The following ROCK2 variants were observed in gnomAD, a reference collection of about 807,000 sequenced individuals.
ROCK2 encodes rho-associated protein kinase 2.
In ROCK2, 61 loss-of-function variants were observed where a neutral mutation model predicts 195.1. That is an observed-to-expected ratio of 0.31 (90% CI 0.25 to 0.39). ROCK2 has a LOEUF of 0.39. ROCK2 is among the 10% of genes least tolerant of loss of function. ROCK2 has a pLI of 1.00. For missense variants in ROCK2, 1,109 were observed against 1,637.4 expected, an observed-to-expected ratio of 0.68 and a Z score of 5.57; for synonymous variants, 504 against 545.5, an observed-to-expected ratio of 0.92 and a Z score of 1.06.
chr2:11,185,001 G>A (rs1254063638), intron 32 of ROCK2, among the ~76,000 whole-genome samples: 2 of 152,222 alleles, frequency 1.3e-5, no homozygotes, highest in South Asian at 2.1e-4. Context: ...TGAAGACAGC[G>A]ATCATATTTG....
chr2:11,338,971 T>A (rs927807285), intron 1 of ROCK2, among the ~76,000 whole-genome samples: 1 of 151,812 alleles, frequency 6.6e-6, no homozygotes, highest in African/African-American at 2.4e-5. Context: ...GTGTGTGAAA[T>A]TAGCTGAAAA....
intron 1 of ROCK2, among the ~76,000 whole-genome samples, chr2:11,336,433 G>A (rs1668930084): frequency 6.6e-6 from 1 of 151,982 alleles, no homozygotes; most frequent in Admixed American, 6.6e-5. Context: ...TATTTCTGTA[G>A]AGGCGACAAA....
chr2:11,182,642 T>G lies in ROCK2; in HGVS notation c.*795A>C, dbSNP rs1460202636. Reference sequence around the variant, plus strand: ...TACATCCTAAGAGCTGGTAAACGCTTTTTTTGTTTTTTAATACAGACAGGG... The same window carrying G: ...TACATCCTAAGAGCTGGTAAACGCTGTTTTTGTTTTTTAATACAGACAGGG... On this transcript the variant is annotated 3_prime_UTR_variant, in exon 33 of 33. Transcript: ENST00000315872. The G allele has an allele frequency of 6.6e-6, 1 of 152,586 alleles. No homozygotes were observed. Among genetic ancestry groups the G allele is most frequent in the African/African-American group, 2.4e-5 (1 of 41,442 alleles). The allele number at this position is 152,586 out of a possible 1,614,324, so 9.5% of individuals were successfully genotyped here.
At chr2:11,206,952 T>C (rs1305482485) in intron 20 of ROCK2, among the ~76,000 whole-genome samples, 1 of 152,242 alleles carries the variant, frequency 6.6e-6, no homozygotes, top group Admixed American at 6.5e-5. Context: ...CAAAGACTTT[T>C]TTCTTTCCAC....
chr2:11,217,205 G>T, intron 11 of ROCK2, 36 bp from the exon 12 acceptor site: 1 of 1,074,726 alleles, frequency 9.3e-7, no homozygotes. Flanking sequence ...TACGTATTTT[G>T]GTCATATTTA....
rs769771519 is a variant in ROCK2, at chr2:11,227,442, AACAC to A, written c.724-48_724-45del. ...TAAAGAAAAAACAGTTCAGTGTAAA[AACAC>A]ACACTTATAAATGCAATGAATCCAT... On this transcript the variant is annotated intron_variant, in intron 5 of 32. Transcript: ENST00000315872. 1.9e-6 allele frequency: 3 copies of A among 1,558,286 alleles called. No homozygotes were observed. In the Admixed American group the frequency reaches 5.5e-5, roughly 29 times the overall value.
chr2:11,344,670 C>A, upstream of ROCK2: 1 of 158,194 alleles, frequency 6.3e-6, no homozygotes, highest in South Asian at 1.9e-4. This position sits in a 1 kb window ranked among gnomAD's most constrained non-coding sequence, Gnocchi z 5.4. Flanking sequence ...ACAAGCCCCT[C>A]CGCCCGCAGC....
At chr2:11,189,660 A>AT (rs1558274806) in intron 32 of ROCK2, among the ~76,000 whole-genome samples, 1 of 152,158 alleles carries the variant, frequency 6.6e-6, no homozygotes, top group African/African-American at 2.4e-5. Flanking sequence ...TTCAATTTGT[A>AT]TAAGTGACTC....
intron 1 of ROCK2, among the ~76,000 whole-genome samples, chr2:11,320,426 C>A (rs1233283335): frequency 1.3e-5 from 2 of 152,158 alleles, no homozygotes; most frequent in Non-Finnish European, 2.9e-5. Context: ...CACCTAAATA[C>A]TTTAACACTT....
chr2:11,277,127 A>G (rs746323795), intron 3 of ROCK2, among the ~76,000 whole-genome samples: 6 of 152,220 alleles, frequency 3.9e-5, no homozygotes, highest in Non-Finnish European at 8.8e-5. Flanking sequence ...TACAACTGAT[A>G]AAGCAATATT....
intron 5 of ROCK2, among the ~76,000 whole-genome samples, chr2:11,232,047 A>G (rs542247401): frequency 3.9e-5 from 6 of 152,284 alleles, no homozygotes; most frequent in African/African-American, 9.6e-5. Context: ...TAAAAATGTA[A>G]AAGTTATTTC....
chr2:11,250,860 AGTC>A (rs1665806928), intron 3 of ROCK2, among the ~76,000 whole-genome samples: 1 of 152,170 alleles, frequency 6.6e-6, no homozygotes, highest in African/African-American at 2.4e-5. Flanking sequence ...TCCACAGCCT[AGTC>A]ATCCTTCTAG....
At chr2:11,255,127 G>A (rs940032210) in intron 3 of ROCK2, among the ~76,000 whole-genome samples, 1 of 149,056 alleles carries the variant, frequency 6.7e-6, no homozygotes, top group African/African-American at 2.6e-5. Context: ...TGAGGCAGGA[G>A]AATGGCATGA....
intron 1 of ROCK2, among the ~76,000 whole-genome samples, chr2:11,296,837 A>C (rs1300688779): frequency 6.6e-6 from 1 of 151,756 alleles, no homozygotes; most frequent in Non-Finnish European, 1.5e-5. Context: ...AAAGACTGTG[A>C]TGCCAAATGA....
Position 11,221,216 on chromosome 2 carries a change from G to T in ROCK2, c.1241C>A (p.Thr414Asn). The change falls in exon 9 of 33, where the codon ACC becomes AAC. Residue 414 changes from threonine (T) to asparagine (N), a missense_variant. By Grantham distance (65) the Thr-to-Asn change is moderately conservative. This residue lies in a region of ROCK2 where 253 missense variants were observed against 455.5 expected (regional missense o/e 0.56). Transcript: ENST00000315872. Reference sequence around the variant, plus strand: ...CACATACAAATTTTCTCTATAGTAGGTAAATCCGATGAAAGGCAGCTGATT... The same window carrying T: ...CACATACAAATTTTCTCTATAGTAGTTAAATCCGATGAAAGGCAGCTGATT... ...VGNQLPFIGFTYYRENLLLSD... is the reference protein window; with the variant it reads ...VGNQLPFIGFNYYRENLLLSD... The T allele has an allele frequency of 6.3e-7, 1 of 1,576,554 alleles. No homozygotes were observed. The highest frequency in any genetic ancestry group is 8.6e-7 in the Non-Finnish European group (1 of 1,166,138).
At chr2:11,227,953 T>C (rs1017166388) in intron 5 of ROCK2, among the ~76,000 whole-genome samples, 9 of 152,238 alleles carry the variant, frequency 5.9e-5, no homozygotes, top group East Asian at 1.9e-4. Context: ...TTCCAAGCTA[T>C]ATATTTAGAA....
intron 1 of ROCK2, among the ~76,000 whole-genome samples, chr2:11,307,702 T>C (rs761453216): frequency 6.6e-6 from 1 of 152,204 alleles, no homozygotes; most frequent in Admixed American, 6.5e-5. Context: ...AAAAAGACTG[T>C]ATATAGTCAG....
intron 1 of ROCK2, among the ~76,000 whole-genome samples, chr2:11,318,865 C>T (rs1480065025): frequency 3.9e-5 from 6 of 152,128 alleles, no homozygotes; most frequent in Non-Finnish European, 7.4e-5. Context: ...TAGGGAATCC[C>T]TTCCCCATTT....
chr2:11,209,652 G>A (rs538001772), intron 18 of ROCK2, among the ~76,000 whole-genome samples: 9 of 152,226 alleles, frequency 5.9e-5, no homozygotes, highest in East Asian at 3.9e-4. Flanking sequence ...AGTGTTAAAT[G>A]TAAGTCATCA....
Sources: gnomAD v4.1 joint callset for allele counts (sites outside exome capture counted in the v4.1 genomes callset) on GRCh38, gnomAD v4.1.1 for gene constraint, gnomAD v4.1.1 regional missense constraint, Gnocchi (gnomAD v3.1) non-coding constraint, MANE v1.5 for transcripts, NCBI Gene and HGNC (gene_info 2026-07-23, HGNC 2026-07-21) for gene names.